Variants in HDDC2 observed in about 807,000 individuals in gnomAD.
HDDC2 encodes the protein 5'-deoxynucleotidase HDDC2.
Under a neutral mutation model 25.5 loss-of-function variants are expected in HDDC2, and 25 were observed. That is an observed-to-expected ratio of 0.98 (90% CI 0.72 to 1.37). The LOEUF (loss-of-function observed/expected upper bound fraction) is 1.37. Ranked by LOEUF, HDDC2 falls within the 40% of genes most tolerant of loss-of-function variation. The pLI, the probability that HDDC2 is intolerant of heterozygous loss-of-function variation, is 0.00. For missense variants in HDDC2, 264 were observed against 253.1 expected (o/e 1.04, Z -0.29); for synonymous variants, 106 against 89.7 (o/e 1.18, Z -1.03).
intron 5 of HDDC2, 80 bp downstream of exon 5, chr6:125,277,022 G>T (rs1798380012): frequency 7.0e-7 from 1 of 1,424,176 alleles, no homozygotes; most frequent in Non-Finnish European, 9.7e-7. Flanking sequence ...CCAACAGTGG[G>T]TTTCCCTAAT....
chr6:125,299,705 C>G (rs1030860887), intron 2 of HDDC2, among the ~76,000 whole-genome samples: 4 of 152,198 alleles, frequency 2.6e-5, no homozygotes, highest in African/African-American at 9.7e-5. Context: ...TGCCAAAAAC[C>G]TCCTCAGTTC....
In HDDC2 at chr6:125,301,924, C is replaced by T. The variant is rs1283684379; in HGVS notation, c.9G>A (p.Ser3=). MA[S]VSSATFSGHG... ...GGCCCGAGAAGGTCGCAGAGGAGAC[C>T]GAAGCCATGCGGCCACCGACCCCGG... The change falls in exon 1 of 6, where the codon TCG becomes TCA. Residue 3 remains serine (S), a synonymous_variant. Transcript: ENST00000398153. 2 of 1,549,416 alleles carry T rather than the reference C, an allele frequency of 1.3e-6. No homozygotes were observed. The highest frequency in any genetic ancestry group is 1.2e-5 in the South Asian group (1 of 84,208).
intron 4 of HDDC2, among the ~76,000 whole-genome samples, chr6:125,290,952 C>T (rs1798622450): frequency 1.3e-5 from 2 of 152,092 alleles, no homozygotes; most frequent in South Asian, 4.1e-4. Context: ...AGTTTTTCAC[C>T]AGTTACTGAT....
chr6:125,283,065 C>T (rs1219552615), intron 4 of HDDC2, among the ~76,000 whole-genome samples: 1 of 152,152 alleles, frequency 6.6e-6, no homozygotes, highest in African/African-American at 2.4e-5. Context: ...TGACAAAAAT[C>T]ACATGATTAT....
At chr6:125,286,836 G>A (rs1288658915) in intron 4 of HDDC2, among the ~76,000 whole-genome samples, 1 of 152,082 alleles carries the variant, frequency 6.6e-6, no homozygotes, top group Non-Finnish European at 1.5e-5. Flanking sequence ...TGAGAGTGAA[G>A]CACAAAATTA....
intron 4 of HDDC2, among the ~76,000 whole-genome samples, chr6:125,291,912 C>A (rs937864149): frequency 1.3e-5 from 2 of 152,198 alleles, no homozygotes; most frequent in South Asian, 4.2e-4. Flanking sequence ...GGGTTTCAAC[C>A]CTGGGCACTT....
intron 4 of HDDC2, among the ~76,000 whole-genome samples, chr6:125,287,214 TTAAAA>T (rs1237379986): frequency 6.6e-6 from 1 of 152,130 alleles, no homozygotes; most frequent in African/African-American, 2.4e-5. Flanking sequence ...ACATTAAGCT[TTAAAA>T]AAAGTGAGCA....
rs1235373008 is a variant in HDDC2 at position 125,301,952 on chromosome 6, G to A, written c.-20C>T. On this transcript the variant is annotated 5_prime_UTR_variant, in exon 1 of 6. Coordinates refer to ENST00000398153, the MANE Select transcript of HDDC2 (RefSeq NM_016063.3). ...AGCCATGCGGCCACCGACCCCGGCT[G>A]GGCGGAGCAGGCCGCGGCGAAGCTC... 2 of 1,541,116 alleles carry A rather than the reference G, an allele frequency of 1.3e-6. No homozygotes were observed. The highest frequency in any genetic ancestry group is 1.7e-6 in the Non-Finnish European group (2 of 1,144,426).
rs1398962163 is a variant in HDDC2 at position 125,277,450 on chromosome 6, C to T, written c.379-210G>A. On this transcript the variant is annotated intron_variant, in intron 4 of 5. Transcript: ENST00000398153. ...CTCTATACAAGAAAGATGTGCTCTC[C>T]ATTCTAAGTATTCTACCAGAAGCCA... The T allele has an allele frequency of 6.4e-6, 3 of 471,984 alleles. No individual in the cohort carries two copies. The Admixed American group carries it at 1.1e-4, about 18-fold the overall frequency. 29.2% of individuals were successfully genotyped at this position (471,984 alleles called of 1,614,324 possible). A position where few individuals can be genotyped will look rare whatever the true frequency, so the allele number is the denominator to read the frequency against.
rs1041142274 is a variant in HDDC2, at chr6:125,276,261, A to G, written c.518-18T>C. ...GAATTTTCCTGCAAAGCAAAAGAAC[A>G]GGGAAAAATACATTCCCATATTGAC... is the stretch of plus-strand genomic sequence containing the variant. On this transcript the variant is annotated intron_variant, in intron 5 of 5. Transcript: ENST00000398153. 3 of 1,567,170 alleles carry G rather than the reference A, an allele frequency of 1.9e-6. No individual in the cohort carries two copies. Among genetic ancestry groups the G allele is most frequent in the African/African-American group, 2.7e-5 (2 of 73,234 alleles).
At position 125,298,737 on chromosome 6, in the gene HDDC2, C is replaced by T. The variant is rs1006231691; in HGVS notation, c.286G>A (p.Glu96Lys). The T allele has an allele frequency of 5.0e-6, 8 of 1,613,964 alleles. No individual in the cohort carries two copies. The highest frequency in any genetic ancestry group is 6.8e-6 in the Non-Finnish European group (8 of 1,179,974). ...DIAPADNIPK[E>K]EKHRREEEAM... ...ACCTCTTCTCGCCTATGTTTTTCTTCTTTGGGGATGTTATCTGCTGGTGCT... is the reference window on the plus strand; with the variant it reads ...ACCTCTTCTCGCCTATGTTTTTCTTTTTTGGGGATGTTATCTGCTGGTGCT... The change falls in exon 3 of 6, where the codon GAA becomes AAA. Residue 96 changes from glutamate (E) to lysine (K), a missense_variant. Transcript: ENST00000398153.
intron 3 of HDDC2, 50 bp downstream of exon 3, chr6:125,298,664 G>A: frequency 7.2e-7 from 1 of 1,379,550 alleles, no homozygotes; most frequent in Non-Finnish European, 1.0e-6. Context: ...CTTTGCTTCA[G>A]CAAGAGGTTT....
At chr6:125,283,839 A>T (rs1445626580) in intron 4 of HDDC2, among the ~76,000 whole-genome samples, 1 of 152,204 alleles carries the variant, frequency 6.6e-6, no homozygotes, top group East Asian at 1.9e-4. Context: ...TGGAACCAAA[A>T]AAGAGCCCAC....
At chr6:125,278,924 A>C (rs997909479) in intron 4 of HDDC2, 12 of 152,364 alleles carry the variant, frequency 7.9e-5, no homozygotes, top group Admixed American at 7.8e-4. Context: ...AACTAGGTTC[A>C]TGATAAAATA....
chr6:125,301,231 A>G (rs1163501165), intron 1 of HDDC2, among the ~76,000 whole-genome samples: 5 of 152,184 alleles, frequency 3.3e-5, no homozygotes, highest in African/African-American at 1.2e-4. Context: ...GTGGCATGAA[A>G]CGGATAATTT....
intron 4 of HDDC2, 46 bp from the exon 5 acceptor site, chr6:125,277,286 A>G: frequency 6.3e-7 from 1 of 1,588,148 alleles, no homozygotes; most frequent in Non-Finnish European, 8.6e-7. Context: ...GCTGCATAAT[A>G]GGGTATCCTG....
At chr6:125,298,616 G>T in intron 3 of HDDC2, 98 bp downstream of exon 3, 1 of 829,958 alleles carries the variant, frequency 1.2e-6, no homozygotes, top group Non-Finnish European at 2.1e-6. Flanking sequence ...CTATCAAGGC[G>T]GTATTCTCCC....
chr6:125,282,345 C>A (rs1254044786), intron 4 of HDDC2, among the ~76,000 whole-genome samples: 2 of 145,616 alleles, frequency 1.4e-5, no homozygotes, highest in East Asian at 3.9e-4. Context: ...CAGACTCCAT[C>A]TCAAAAAAAA....
chr6:125,282,942 T>C (rs1374844809), intron 4 of HDDC2, among the ~76,000 whole-genome samples: 1 of 152,176 alleles, frequency 6.6e-6, no homozygotes, highest in Non-Finnish European at 1.5e-5. Flanking sequence ...GGTAAAGGGA[T>C]GAATGCAACA....
Sources: allele counts gnomAD v4.1 joint callset (sites outside exome capture counted in the v4.1 genomes callset), GRCh38; gene constraint gnomAD v4.1.1; transcripts MANE v1.5; gene names NCBI Gene and HGNC (gene_info 2026-07-23, HGNC 2026-07-21).